VOPP1: variants seen among roughly 807,000 people sequenced by gnomAD.
VOPP1 encodes VOPP1 WW domain binding protein, also known as WW domain binding protein VOPP1.
In VOPP1, 8 loss-of-function variants were observed where a neutral mutation model predicts 23.5. The ratio of observed to expected loss-of-function variants is 0.34; its 90% CI spans 0.20 to 0.61. The LOEUF (loss-of-function observed/expected upper bound fraction) is 0.61. VOPP1 is among the 20% of genes least tolerant of loss of function. VOPP1 has a pLI of 0.78. For missense variants in VOPP1, 174 were observed against 238.1 expected (o/e 0.73, Z 1.77); for synonymous variants, 83 against 97.3 (o/e 0.85, Z 0.86).
intron 1 of VOPP1, chr7:55,526,897 G>A (rs1273248913): frequency 6.6e-6 from 1 of 152,248 alleles, no homozygotes; most frequent in Non-Finnish European, 1.5e-5. Flanking sequence ...GCCCCCTGCT[G>A]TGCCTCACAC....
At chr7:55,564,243 G>GTCTCTGTC (rs1554302403) in intron 1 of VOPP1, among the ~76,000 whole-genome samples, 6 of 125,892 alleles carry the variant, frequency 4.8e-5, no homozygotes, top group East Asian at 4.6e-4. Context: ...CTCTGTCTCT[G>GTCTCTGTC]TCTCTCTCTC....
intron 1 of VOPP1, among the ~76,000 whole-genome samples, chr7:55,563,658 A>G (rs1798059976): frequency 1.3e-5 from 2 of 152,210 alleles, no homozygotes; most frequent in African/African-American, 4.8e-5. Flanking sequence ...GCCTGAAGGT[A>G]ATTTTATACA....
At chr7:55,540,766 A>T (rs1475670874) in intron 1 of VOPP1, among the ~76,000 whole-genome samples, 1 of 152,186 alleles carries the variant, frequency 6.6e-6, no homozygotes, top group African/African-American at 2.4e-5. Context: ...CAGGGAATTT[A>T]CTATTGAATT....
At chr7:55,505,672 AGGGAGGGAGGGAGGGAGGGAGGG>A (rs1194858374) in intron 2 of VOPP1, among the ~76,000 whole-genome samples, 1 of 5,790 alleles carries the variant, frequency 1.7e-4, no homozygotes, top group East Asian at 0.014. Flanking sequence ...GGAGGGAGGG[AGGGAGGGAGGGAGGGAGGGAGGG>A]AGGGAGGGAA....
chr7:55,512,546 G>C (rs1025086771), intron 2 of VOPP1, among the ~76,000 whole-genome samples: 1 of 152,190 alleles, frequency 6.6e-6, no homozygotes, highest in Non-Finnish European at 1.5e-5. Context: ...CTTACACCAG[G>C]AATCTTCATT....
intron 4 of VOPP1, 54 bp from the exon 5 acceptor site, chr7:55,473,099 C>A (rs1029354006): frequency 8.4e-6 from 13 of 1,555,052 alleles, no homozygotes; most frequent in Non-Finnish European, 1.0e-5. Flanking sequence ...CATCACACCG[C>A]AAGTATGTGC....
chr7:55,538,503 A>G (rs1451561541), intron 1 of VOPP1: 5 of 1,020,442 alleles, frequency 4.9e-6, no homozygotes, highest in African/African-American at 4.9e-5. Context: ...AACCACACAA[A>G]AAGAACAACC....
intron 1 of VOPP1, among the ~76,000 whole-genome samples, chr7:55,522,184 G>A (rs1795908503): frequency 1.3e-5 from 2 of 152,322 alleles, no homozygotes; most frequent in African/African-American, 4.8e-5. Flanking sequence ...ATGCCCTCCT[G>A]CCACGATTGC....
At chr7:55,569,274 T>C (rs1798267271) in intron 1 of VOPP1, among the ~76,000 whole-genome samples, 1 of 151,928 alleles carries the variant, frequency 6.6e-6, no homozygotes, top group Admixed American at 6.6e-5. Flanking sequence ...CTCAGGAGAG[T>C]CCTGGTGATG....
intron 1 of VOPP1, among the ~76,000 whole-genome samples, chr7:55,554,205 CAT>C: frequency 6.6e-6 from 1 of 152,326 alleles, no homozygotes; most frequent in South Asian, 2.1e-4. Context: ...CAAGGTTACA[CAT>C]GTGTGATGCC....
At chr7:55,505,714 T>C (rs1420884775) in intron 2 of VOPP1, among the ~76,000 whole-genome samples, 6 of 145,782 alleles carry the variant, frequency 4.1e-5, no homozygotes, top group African/African-American at 1.6e-4. Flanking sequence ...AAGGAACTTG[T>C]ACATATGATC....
intron 1 of VOPP1, among the ~76,000 whole-genome samples, chr7:55,539,229 C>T (rs1247082918): frequency 4.6e-5 from 7 of 152,042 alleles, no homozygotes; most frequent in Non-Finnish European, 7.4e-5. Context: ...TCTGTAATCC[C>T]AGCTACTCGG....
At chr7:55,438,100 A>G in intron 4 of VOPP1, among the ~76,000 whole-genome samples, 1 of 151,910 alleles carries the variant, frequency 6.6e-6, no homozygotes, top group Non-Finnish European at 1.5e-5. Context: ...ACAGGGTTTC[A>G]CTATGTTGGC....
chr7:55,539,847 C>T (rs1348394279), intron 1 of VOPP1, among the ~76,000 whole-genome samples: 5 of 151,530 alleles, frequency 3.3e-5, no homozygotes, highest in South Asian at 2.1e-4. Context: ...CACACATACA[C>T]GCATATTTGT....
intron 1 of VOPP1, among the ~76,000 whole-genome samples, chr7:55,554,586 G>A (rs1410979336): frequency 1.3e-5 from 2 of 152,184 alleles, no homozygotes; most frequent in Admixed American, 6.5e-5. Flanking sequence ...TTGGGTTGCC[G>A]AGGATGTAGG....
chr7:55,521,218 G>C (rs1363185062), intron 1 of VOPP1, 88 bp from the exon 2 acceptor site: 1 of 1,348,790 alleles, frequency 7.4e-7, no homozygotes, highest in Admixed American at 2.0e-5. Context: ...AGAAGGATGA[G>C]AAGACACAGC....
chr7:55,485,297 C>G (rs1793051783), intron 4 of VOPP1, among the ~76,000 whole-genome samples: 1 of 152,214 alleles, frequency 6.6e-6, no homozygotes, highest in Non-Finnish European at 1.5e-5. Context: ...AATACTGATA[C>G]TCAACAAACA....
In VOPP1 at chr7:55,521,056, AG is replaced by A. The variant is rs750921119; in HGVS notation, c.113+15del. The A allele has an allele frequency of 2.4e-5, 38 of 1,565,408 alleles. No individual in the cohort carries two copies. The South Asian group carries it at 4.1e-4, about 17-fold the overall frequency. On this transcript the variant is annotated intron_variant, in intron 2 of 4. Transcript: ENST00000285279. ...ATGGCCACAGAATGAAACCACAGAA[AG>A]GTGCAAATACTTACATATAATAGGT...
intron 1 of VOPP1, among the ~76,000 whole-genome samples, chr7:55,556,522 G>A (rs564198736): frequency 2.0e-5 from 3 of 152,226 alleles, no homozygotes; most frequent in Non-Finnish European, 4.4e-5. Context: ...TCCACGACAG[G>A]CCATGATGGA....
Sources: gnomAD v4.1 joint callset for allele counts (sites outside exome capture counted in the v4.1 genomes callset) on GRCh38, gnomAD v4.1.1 for gene constraint, MANE v1.5 for transcripts, NCBI Gene and HGNC (gene_info 2026-07-23, HGNC 2026-07-21) for gene names.